Variants in TFEC observed in about 807,000 individuals in gnomAD.
TFEC encodes the protein transcription factor EC.
A neutral mutation model predicts 41.6 loss-of-function variants in TFEC; 31 were observed. That is an observed-to-expected ratio of 0.74 (90% CI 0.56 to 1.01). The LOEUF is 1.01. TFEC is among the 50% of genes least tolerant of loss of function. The probability of loss-of-function intolerance (pLI) is 0.00; values close to 1 mark genes in which losing one functional copy is unlikely to be tolerated. For synonymous variants in TFEC, 143 were observed against 140.6 expected, an observed-to-expected ratio of 1.02 and a Z score of -0.12; for missense variants, 402 against 404.1, an observed-to-expected ratio of 0.99 and a Z score of 0.04.
chr7:116,059,445 A>T (rs980786250), intron 3 of TFEC, among the ~76,000 whole-genome samples: 19 of 151,708 alleles, frequency 1.3e-4, no homozygotes, highest in African/African-American at 4.6e-4. Context: ...CCAATTCCGT[A>T]CTCCTCCAGA....
intron 3 of TFEC, among the ~76,000 whole-genome samples, chr7:116,077,875 A>C (rs1236411250): frequency 6.6e-6 from 1 of 152,074 alleles, no homozygotes; most frequent in Non-Finnish European, 1.5e-5. Context: ...TCATCAAGAC[A>C]GAAAGTCAAC....
chr7:116,090,109 T>C (rs912925445), intron 3 of TFEC, among the ~76,000 whole-genome samples: 1 of 152,188 alleles, frequency 6.6e-6, no homozygotes, highest in African/African-American at 2.4e-5. Context: ...GAGACTACCT[T>C]TGCAAATCCC....
intron 1 of TFEC, among the ~76,000 whole-genome samples, chr7:116,029,038 C>T (rs570354855): frequency 3.9e-5 from 6 of 152,088 alleles, no homozygotes; most frequent in Admixed American, 3.3e-4. Flanking sequence ...AACCTTATGC[C>T]GCAGTCGTTA....
chr7:115,995,542 A>C (rs1301234565), intron 1 of TFEC, among the ~76,000 whole-genome samples: 1 of 152,200 alleles, frequency 6.6e-6, no homozygotes. Flanking sequence ...AGATGGCCGA[A>C]TAGAAACCTC....
intron 1 of TFEC, among the ~76,000 whole-genome samples, chr7:115,995,399 A>G (rs957520549): frequency 2.0e-5 from 3 of 152,206 alleles, no homozygotes; most frequent in Non-Finnish European, 2.9e-5. Flanking sequence ...ATATATATAT[A>G]CACACATATA....
intron 3 of TFEC, among the ~76,000 whole-genome samples, chr7:116,072,394 G>C (rs1416962535): frequency 6.6e-6 from 1 of 151,490 alleles, no homozygotes; most frequent in Non-Finnish European, 1.5e-5. Flanking sequence ...ACAATTGTAT[G>C]TATTTTAATA....
intron 5 of TFEC, among the ~76,000 whole-genome samples, chr7:115,953,400 AT>A (rs1218599066): frequency 1.3e-5 from 2 of 152,166 alleles, no homozygotes; most frequent in South Asian, 4.1e-4. Context: ...AAAACTTATA[AT>A]TTTTTAAGTG....
chr7:116,146,415 C>T (rs73719116), intron 1 of TFEC, among the ~76,000 whole-genome samples: 27,277 of 152,126 alleles, frequency 0.18, 2,476 homozygotes, highest in East Asian at 0.25. Context: ...AGATACCTGC[C>T]TATTGCAGCT....
intron 1 of TFEC, among the ~76,000 whole-genome samples, chr7:116,145,401 G>C (rs1000630025): frequency 6.6e-6 from 1 of 152,138 alleles, no homozygotes; most frequent in African/African-American, 2.4e-5. Flanking sequence ...GACGAACAGA[G>C]GAGAAAAATC....
At chr7:116,140,845 G>A (rs1380133575) in intron 1 of TFEC, among the ~76,000 whole-genome samples, 1 of 152,132 alleles carries the variant, frequency 6.6e-6, no homozygotes, top group Non-Finnish European at 1.5e-5. Context: ...ACACATCCAT[G>A]AGACATGAAA....
chr7:116,092,844 C>T (rs1454765566), intron 3 of TFEC, among the ~76,000 whole-genome samples: 2 of 152,232 alleles, frequency 1.3e-5, no homozygotes, highest in African/African-American at 2.4e-5. Flanking sequence ...GATTAGATCT[C>T]TAATCCTATG....
intron 3 of TFEC, among the ~76,000 whole-genome samples, chr7:116,101,714 G>T (rs963125764): frequency 6.6e-6 from 1 of 152,100 alleles, no homozygotes; most frequent in Non-Finnish European, 1.5e-5. Flanking sequence ...GGGCAACAAT[G>T]AATGTATTGT....
rs1465569937 is a variant in TFEC, at chr7:116,141,029, T to C, written c.-69+18761A>G. ...AGGAGACTTGGAAAAAATTCTCTTA[T>C]AATGTCTAGAAATTTACAATCATTG... is the stretch of plus-strand genomic sequence containing the variant. On this transcript the variant is annotated intron_variant, in intron 1 of 8. Transcript: ENST00000484212. Among the ~76,000 whole-genome samples the C allele has an allele frequency of 3.3e-5, 5 of 152,166 alleles. 1 individual carries two copies. The highest frequency in any genetic ancestry group is 2.1e-4 in the South Asian group (1 of 4,826).
chr7:116,000,756 T>G (rs887627938), intron 1 of TFEC, among the ~76,000 whole-genome samples: 4 of 151,846 alleles, frequency 2.6e-5, no homozygotes, highest in Admixed American at 1.3e-4. Context: ...AAGAGAAAGA[T>G]CTCTACAATG....
intron 2 of TFEC, among the ~76,000 whole-genome samples, 195 bp from the exon 3 acceptor site, chr7:115,974,451 A>ATATATATATATATATATATAT (rs869072558): frequency 7.6e-5 from 2 of 26,384 alleles, no homozygotes; most frequent in Admixed American, 5.5e-4. Flanking sequence ...TATATATATA[A>ATATATATATATATATATATAT]AAACACAGAT....
intron 1 of TFEC, among the ~76,000 whole-genome samples, chr7:116,158,622 T>G (rs1191325811): frequency 6.6e-6 from 1 of 152,104 alleles, no homozygotes; most frequent in Non-Finnish European, 1.5e-5. Flanking sequence ...GGAAAAAATT[T>G]GATGTTCTGA....
chr7:116,145,227 T>C (rs1798618526), intron 1 of TFEC, among the ~76,000 whole-genome samples: 1 of 152,168 alleles, frequency 6.6e-6, no homozygotes. Context: ...TCTTTTCTCT[T>C]CCTTCCCAAA....
At chr7:116,013,364 G>A (rs946122998) in intron 1 of TFEC, among the ~76,000 whole-genome samples, 3 of 151,986 alleles carry the variant, frequency 2.0e-5, no homozygotes, top group Non-Finnish European at 2.9e-5. Context: ...AAACAACAAT[G>A]TTCTTTGGAA....
intron 1 of TFEC, among the ~76,000 whole-genome samples, chr7:116,135,295 C>T (rs1396088080): frequency 6.6e-6 from 1 of 152,108 alleles, no homozygotes; most frequent in African/African-American, 2.4e-5. Context: ...GGAAGCGTTT[C>T]CTTTGAGATA....
Sources: gnomAD v4.1 joint callset for allele counts (sites outside exome capture counted in the v4.1 genomes callset) on GRCh38, gnomAD v4.1.1 for gene constraint, MANE v1.5 for transcripts, NCBI Gene and HGNC (gene_info 2026-07-23, HGNC 2026-07-21) for gene names.